Variants in SLC15A2 observed in about 807,000 individuals in gnomAD.
SLC15A2 encodes kidney H(+)/peptide cotransporter.
SLC15A2 carries 77 observed loss-of-function variants against 95.5 expected under a neutral mutation model. That is an observed-to-expected ratio of 0.81 (90% CI 0.67 to 0.97). The LOEUF (loss-of-function observed/expected upper bound fraction) is 0.97. Ranked by LOEUF, SLC15A2 falls within the 50% of genes least tolerant of loss-of-function variation. SLC15A2 has a pLI of 0.00. For synonymous variants in SLC15A2, 306 were observed against 306.9 expected, an observed-to-expected ratio of 1.00 and a Z score of 0.03; for missense variants, 893 against 874.4, an observed-to-expected ratio of 1.02 and a Z score of -0.27.
At chr3:121,940,523 T>G in intron 21 of SLC15A2, 35 bp downstream of exon 21, 1 of 1,543,370 alleles carries the variant, frequency 6.5e-7, no homozygotes, top group Non-Finnish European at 9.0e-7. Flanking sequence ...TCATTTCTAC[T>G]CAAGTTTTTC....
intron 19 of SLC15A2, among the ~76,000 whole-genome samples, chr3:121,937,473 C>T (rs1710370197): frequency 7.0e-6 from 1 of 142,196 alleles, no homozygotes; most frequent in Admixed American, 7.2e-5. Flanking sequence ...TCTTTTTATT[C>T]TTTTTTCTCT....
chr3:121,915,409 A>G, intron 6 of SLC15A2, 92 bp downstream of exon 6: 2 of 905,684 alleles, frequency 2.2e-6, no homozygotes, highest in Non-Finnish European at 3.6e-6. Flanking sequence ...ATCTCCTTTT[A>G]TAAGAGCTTG....
intron 13 of SLC15A2, among the ~76,000 whole-genome samples, chr3:121,925,783 A>T (rs12330644): frequency 0.14 from 6,516 of 46,556 alleles, 746 homozygotes; most frequent in East Asian, 0.38. Flanking sequence ...TATATATATA[A>T]AATACAACTA....
intron 20 of SLC15A2, among the ~76,000 whole-genome samples, chr3:121,940,036 C>G (rs1213089551): frequency 1.3e-5 from 2 of 152,038 alleles, no homozygotes; most frequent in Non-Finnish European, 2.9e-5. Flanking sequence ...TAACTCCTGA[C>G]CTTGGATGAT....
intron 21 of SLC15A2, 47 bp downstream of exon 21, chr3:121,940,535 T>C (rs1210701828): frequency 6.9e-7 from 1 of 1,453,264 alleles, no homozygotes; most frequent in Non-Finnish European, 9.6e-7. Context: ...AAGTTTTTCC[T>C]CCAGCTTTCT....
At chr3:121,938,413 G>A (rs1710393811) in intron 19 of SLC15A2, among the ~76,000 whole-genome samples, 2 of 152,218 alleles carry the variant, frequency 1.3e-5, no homozygotes, top group Admixed American at 1.3e-4. Context: ...AGCAATCAGC[G>A]AGACTCCGTG....
intron 19 of SLC15A2, among the ~76,000 whole-genome samples, chr3:121,935,070 T>C (rs1379978810): frequency 6.6e-6 from 1 of 152,250 alleles, no homozygotes; most frequent in East Asian, 1.9e-4. Flanking sequence ...TTACATTTAT[T>C]GATTTTCGTA....
Position 121,896,267 on chromosome 3 carries a change from G to C in SLC15A2, c.106-139G>C. 3 of 680,696 alleles carry C rather than the reference G, an allele frequency of 4.4e-6. No individual in the cohort carries two copies. In the South Asian group the frequency reaches 5.0e-5, roughly 11 times the overall value. 42.2% of individuals were successfully genotyped at this position (680,696 alleles called of 1,614,324 possible). On this transcript the variant is annotated intron_variant, in intron 1 of 21. Transcript: ENST00000489711. ...ACTTTTAGTGTTACCTAATAGGTGT[G>C]TCATGAAGAGTAGAGACCATTGCTC...
At chr3:121,915,013 A>G (rs1709857088) in intron 5 of SLC15A2, 2 of 1,332,774 alleles carry the variant, frequency 1.5e-6, no homozygotes, top group African/African-American at 1.5e-5. Context: ...GAGGAAAAGA[A>G]TGCTAAAGCT....
At chr3:121,918,123 A>G (rs1709931260) in intron 7 of SLC15A2, among the ~76,000 whole-genome samples, 1 of 152,196 alleles carries the variant, frequency 6.6e-6, no homozygotes, top group South Asian at 2.1e-4. Context: ...CAAAGATAAT[A>G]TTTATTTTGA....
rs778101552 is a variant in SLC15A2, at chr3:121,915,295, A to C, written c.597A>C (p.Thr199=). The C allele has an allele frequency of 1.2e-6, 2 of 1,611,042 alleles. No individual in the cohort carries two copies. The highest frequency in any genetic ancestry group is 1.7e-6 in the Non-Finnish European group (2 of 1,178,996). The stretch of plus-strand genomic sequence containing the variant: ...TCAATGCAGGGAGCTTGATTTCTAC[A>C]TTTATCACACCCATGCTGAGAGGTT... ...LSINAGSLIS[T]FITPMLRGDV... Residue 199 remains threonine, a synonymous_variant, in exon 6 of 22, where the codon ACA becomes ACC. Transcript: ENST00000489711.
In SLC15A2 at chr3:121,941,002, C is replaced by T. The variant is rs373455272; in HGVS notation, c.2185C>T (p.Leu729Phe). Residue 729 changes from leucine (L) to phenylalanine (F), a missense_variant, in exon 22 of 22, where the codon CTC (leucine) becomes TTC (phenylalanine). Coordinates refer to ENST00000489711, the MANE Select transcript of SLC15A2 (RefSeq NM_021082.4). ...CAAACTAGAGACCAAGAAGACAAAA[C>T]TCTGATGACTCCCTAGATTCTGTCC... Reference protein sequence around the residue: ...MIKLETKKTKL With the variant: ...MIKLETKKTKF 14 of 1,612,414 alleles carry T rather than the reference C, an allele frequency of 8.7e-6. No individual in the cohort carries two copies. The African/African-American group carries it at 1.6e-4, about 18-fold the overall frequency.
chr3:121,920,209 C>A (rs1425211359), intron 7 of SLC15A2, among the ~76,000 whole-genome samples: 2 of 152,200 alleles, frequency 1.3e-5, no homozygotes, highest in South Asian at 4.1e-4. Flanking sequence ...TGGTGTCCAG[C>A]CTCTTTCTAG....
At chr3:121,920,446 C>T (rs1267527066) in intron 7 of SLC15A2, among the ~76,000 whole-genome samples, 1 of 152,166 alleles carries the variant, frequency 6.6e-6, no homozygotes, top group African/African-American at 2.4e-5. Context: ...AGGTGCGCAC[C>T]ACCACGCCCA....
In SLC15A2 at chr3:121,923,216, C is replaced by T. The variant is rs1376626831; in HGVS notation, c.958-6C>T. 1.2e-6 allele frequency: 2 copies of T among 1,613,922 alleles called. No homozygotes were observed. Among genetic ancestry groups the T allele is most frequent in the South Asian group, 1.1e-5 (1 of 91,072 alleles). On this transcript the variant is annotated splice_polypyrimidine_tract_variant and splice_region_variant and intron_variant, in intron 10 of 21. Transcript: ENST00000489711. ...GATTTCTCATAACAGGATCTGTTTG[C>T]CCTAGGGTTCACGATGGACTTTGCA...
At chr3:121,903,625 T>A (rs568368000) in intron 3 of SLC15A2, among the ~76,000 whole-genome samples, 43 of 152,322 alleles carry the variant, frequency 2.8e-4, no homozygotes, top group Middle Eastern at 3.4e-3. Flanking sequence ...CCCCATTGCT[T>A]GTTTTTGTCA....
chr3:121,899,074 G>A (rs1199084328), intron 3 of SLC15A2, among the ~76,000 whole-genome samples: 3 of 152,022 alleles, frequency 2.0e-5, no homozygotes, highest in African/African-American at 7.2e-5. Flanking sequence ...TTCAGTTGTA[G>A]AATAAAGATT....
chr3:121,925,783 A>ATATAT (rs1559850504), intron 13 of SLC15A2, among the ~76,000 whole-genome samples: 8 of 47,166 alleles, frequency 1.7e-4, no homozygotes, highest in Non-Finnish European at 2.5e-4. Context: ...TATATATATA[A>ATATAT]AATACAACTA....
chr3:121,922,736 T>C, intron 8 of SLC15A2, 39 bp from the exon 9 acceptor site: 1 of 1,488,554 alleles, frequency 6.7e-7, no homozygotes, highest in Non-Finnish European at 9.3e-7. Flanking sequence ...AGGATGTTTT[T>C]CTCTTTGTCT....
Sources: gnomAD v4.1 joint callset for allele counts (sites outside exome capture counted in the v4.1 genomes callset) on GRCh38, gnomAD v4.1.1 for gene constraint, MANE v1.5 for transcripts, NCBI Gene and HGNC (gene_info 2026-07-23, HGNC 2026-07-21) for gene names.